The following PIP5K1C variants were observed in gnomAD, a reference collection of about 807,000 sequenced individuals.
PIP5K1C encodes phosphatidylinositol-4-phosphate 5-kinase type 1 gamma, also known as phosphatidylinositol 4-phosphate 5-kinase type-1 gamma.
Under a neutral mutation model 80.1 loss-of-function variants are expected in PIP5K1C, and 45 were observed. The ratio of observed to expected loss-of-function variants is 0.56; its 90% CI spans 0.44 to 0.72. PIP5K1C has a LOEUF of 0.72. PIP5K1C is among the 30% of genes least tolerant of loss of function. The pLI, the probability that PIP5K1C is intolerant of heterozygous loss-of-function variation, is 0.00. For missense variants in PIP5K1C, 753 were observed against 954.6 expected (o/e 0.79, Z 2.78); for synonymous variants, 498 against 420.1 (o/e 1.19, Z -2.27).
chr19:3,654,197 A>C (rs998850489), intron 6 of PIP5K1C, among the ~76,000 whole-genome samples: 5 of 152,114 alleles, frequency 3.3e-5, no homozygotes, highest in African/African-American at 1.2e-4. Context: ...GAACTGATCA[A>C]CTCAGACTTT....
At position 3,648,473 on chromosome 19, in the gene PIP5K1C, C is replaced by T. The variant is rs527563695; in HGVS notation, c.1211+152G>A. On this transcript the variant is annotated intron_variant, in intron 9 of 17. Coordinates refer to ENST00000335312, the MANE Select transcript of PIP5K1C (RefSeq NM_012398.3). The surrounding 1 kb of genome is among the most constrained non-coding windows in gnomAD (Gnocchi z 4.3). ...CCTCTGTGCATGGGTGTCCTGGGGG[C>T]GCCCATCCACCTGTGGGACTGCAGA... The T allele has an allele frequency of 3.6e-4, 277 of 769,920 alleles. 1 individual carries two copies. In the African/African-American group the frequency reaches 4.0e-3, roughly 11 times the overall value. 47.7% of individuals were successfully genotyped at this position (769,920 alleles called of 1,614,324 possible). A position where few individuals can be genotyped will look rare whatever the true frequency, so the allele number is the denominator to read the frequency against.
rs566248731 is a variant in PIP5K1C, at chr19:3,653,696, C to G, written c.622-107G>C. 6.6e-6 allele frequency: 7 copies of G among 1,062,424 alleles called. No homozygotes were observed. In the Admixed American group the frequency reaches 7.6e-5, roughly 12 times the overall value. The allele number at this position is 1,062,424 out of a possible 1,614,324, so 65.8% of individuals were successfully genotyped here. On this transcript the variant is annotated intron_variant, in intron 6 of 17. Coordinates refer to ENST00000335312, the MANE Select transcript of PIP5K1C (RefSeq NM_012398.3). ...GGGGCTCATGGATGCCCCTGGCCAGCCCCCCTCTCTCCCCAGAAGCCCTCG... is the reference window on the plus strand; with the variant it reads ...GGGGCTCATGGATGCCCCTGGCCAGGCCCCCTCTCTCCCCAGAAGCCCTCG...
intron 1 of PIP5K1C, among the ~76,000 whole-genome samples, chr19:3,685,687 G>GCA (rs2035739163): frequency 6.6e-6 from 1 of 151,410 alleles, no homozygotes; most frequent in Non-Finnish European, 1.5e-5. Flanking sequence ...CTGAGATCAT[G>GCA]CCACTGCACT....
At chr19:3,633,267 G>A (rs1260079049) in intron 17 of PIP5K1C, 98 bp from the exon 18 acceptor site, 3 of 697,004 alleles carry the variant, frequency 4.3e-6, no homozygotes, top group East Asian at 2.7e-5. Flanking sequence ...CAGGCCCTGA[G>A]ACACTTAGCC....
At chr19:3,667,493 A>C in intron 1 of PIP5K1C, 140 bp from the exon 2 acceptor site, 1 of 909,690 alleles carries the variant, frequency 1.1e-6, no homozygotes, top group Non-Finnish European at 1.8e-6. Context: ...GCTACACACA[A>C]GTGAAGACAT....
At chr19:3,636,939 G>C in intron 16 of PIP5K1C, 1 of 1,010,978 alleles carries the variant, frequency 9.9e-7, no homozygotes, top group Non-Finnish European at 1.2e-6. Context: ...GCGTCCCAGG[G>C]GGACCTCCTT....
At chr19:3,653,657 G>A in intron 6 of PIP5K1C, 68 bp from the exon 7 acceptor site, 1 of 1,451,258 alleles carries the variant, frequency 6.9e-7, no homozygotes, top group African/African-American at 1.4e-5. Flanking sequence ...GGGCAAAGCA[G>A]GCCTCTGCCT....
At chr19:3,651,074 A>G (rs2034428488) in intron 8 of PIP5K1C, among the ~76,000 whole-genome samples, 1 of 65,806 alleles carries the variant, frequency 1.5e-5, no homozygotes, top group Non-Finnish European at 3.1e-5. Context: ...TTTTTTTTTA[A>G]GACAGGGTCT....
Position 3,648,016 on chromosome 19 carries a change from G to C in PIP5K1C, c.1211+609C>G, listed in dbSNP as rs1353800311. Among the ~76,000 whole-genome samples, 2 of 127,398 alleles carry C rather than the reference G, an allele frequency of 1.6e-5. No individual in the cohort carries two copies. The highest frequency in any genetic ancestry group is 3.9e-5 in the Non-Finnish European group (2 of 51,736). The allele number at this position is 127,398 out of a possible 152,430, so 83.6% of individuals were successfully genotyped here. ...AAGTGAGGCCTCAAACCCACTCCTTGGATTTTCTTTTTTCTTTTTTTTTGG... is the reference window on the plus strand; with the variant it reads ...AAGTGAGGCCTCAAACCCACTCCTTCGATTTTCTTTTTTCTTTTTTTTTGG... On this transcript the variant is annotated intron_variant, in intron 9 of 17. Transcript: ENST00000335312. This position sits in a 1 kb window ranked among gnomAD's most constrained non-coding sequence, Gnocchi z 4.3.
intron 1 of PIP5K1C, among the ~76,000 whole-genome samples, chr19:3,691,638 A>T (rs1195451371): frequency 7.3e-6 from 1 of 136,208 alleles, no homozygotes; most frequent in Non-Finnish European, 1.6e-5. Flanking sequence ...CGGGAACTGT[A>T]ACACAAGAGC....
intron 13 of PIP5K1C, 131 bp downstream of exon 13, chr19:3,643,112 G>C: frequency 2.7e-6 from 4 of 1,493,768 alleles, no homozygotes; most frequent in Non-Finnish European, 3.7e-6. Context: ...CACATGCAGT[G>C]TATGTACATC....
intron 1 of PIP5K1C, among the ~76,000 whole-genome samples, chr19:3,697,689 T>C (rs574382400): frequency 4.3e-4 from 66 of 151,916 alleles, no homozygotes; most frequent in African/African-American, 1.6e-3. Context: ...CAGAGACAGA[T>C]CAGCCGTGGG....
At chr19:3,699,098 C>T (rs906063660) in intron 1 of PIP5K1C, among the ~76,000 whole-genome samples, 1 of 151,980 alleles carries the variant, frequency 6.6e-6, no homozygotes, top group Non-Finnish European at 1.5e-5. Context: ...TTGTCTCTGA[C>T]CAGCTGGGGT....
intron 11 of PIP5K1C, among the ~76,000 whole-genome samples, chr19:3,645,318 C>A (rs1341360194): frequency 6.6e-6 from 1 of 152,252 alleles, no homozygotes; most frequent in African/African-American, 2.4e-5. Flanking sequence ...GAGAAACAGA[C>A]CCCAGGGGGG....
chr19:3,639,495 C>A (rs181993508), intron 15 of PIP5K1C, among the ~76,000 whole-genome samples: 74 of 152,328 alleles, frequency 4.9e-4, no homozygotes, highest in Non-Finnish European at 4.4e-5. Flanking sequence ...GCAGTGCTGT[C>A]ATCACGGCTC....
rs529940226 is a variant in PIP5K1C at position 3,666,024 on chromosome 19, G to A, written c.127-1110C>T. Among the ~76,000 whole-genome samples the A allele has an allele frequency of 2.6e-4, 40 of 152,210 alleles. 1 individual carries two copies. In the South Asian group the frequency reaches 4.6e-3, roughly 17 times the overall value. ...GTTCCCTGCATTCTCCCAGGTGGCC[G>A]CCAGGGGGCAGGCTCTCCCCAGGAA... On this transcript the variant is annotated intron_variant, in intron 2 of 17. Coordinates refer to ENST00000335312, the MANE Select transcript of PIP5K1C (RefSeq NM_012398.3).
chr19:3,658,285 T>C (rs1040340970), intron 5 of PIP5K1C, among the ~76,000 whole-genome samples: 1 of 152,248 alleles, frequency 6.6e-6, no homozygotes, highest in Non-Finnish European at 1.5e-5. Flanking sequence ...TCCTCCTGCA[T>C]GCGCTGCTTC....
At chr19:3,671,595 G>A (rs766848836) in intron 1 of PIP5K1C, among the ~76,000 whole-genome samples, 1 of 152,234 alleles carries the variant, frequency 6.6e-6, no homozygotes, top group Non-Finnish European at 1.5e-5. Flanking sequence ...GGAGCAGGAC[G>A]GAGAGGGGAG....
rs552179885 is a variant in PIP5K1C, at chr19:3,637,350, C to T, written c.1920+1534G>A. The T allele has an allele frequency of 1.9e-4, 295 of 1,534,634 alleles. No individual in the cohort carries two copies. Among genetic ancestry groups the T allele is most frequent in the East Asian group, 1.7e-3 (70 of 40,884 alleles). On this transcript the variant is annotated intron_variant, in intron 16 of 17. Transcript: ENST00000335312. The surrounding 1 kb of genome is among the most constrained non-coding windows in gnomAD (Gnocchi z 7.0). ...TGGGACCGAATGACATTCCCAGTGA[C>T]GCATGCAGCCCAGCGCCTGGTCCGG...
Sources: gnomAD v4.1 joint callset for allele counts (sites outside exome capture counted in the v4.1 genomes callset) on GRCh38, gnomAD v4.1.1 for gene constraint, Gnocchi (gnomAD v3.1) non-coding constraint, MANE v1.5 for transcripts, NCBI Gene and HGNC (gene_info 2026-07-23, HGNC 2026-07-21) for gene names.